The following DBT variants were observed in gnomAD, a reference collection of about 807,000 sequenced individuals.
DBT encodes the protein dihydrolipoamide branched chain transacylase E2, also known as lipoamide acyltransferase component of branched-chain alpha-keto acid dehydrogenase complex, mitochondrial.
DBT carries 40 observed loss-of-function variants against 51.3 expected under a neutral mutation model. The ratio of observed to expected loss-of-function variants is 0.78; its 90% CI spans 0.61 to 1.02. The LOEUF is 1.02. DBT is among the 50% of genes least tolerant of loss of function. The pLI is 0.00. For synonymous variants in DBT, 181 were observed against 190.4 expected (o/e 0.95, Z 0.41); for missense variants, 510 against 580.2 (o/e 0.88, Z 1.24).
At chr1:100,219,416 C>T (rs925155010) in intron 4 of DBT, among the ~76,000 whole-genome samples, 5 of 151,752 alleles carry the variant, frequency 3.3e-5, no homozygotes, top group African/African-American at 7.3e-5. Context: ...ATAAACAGCA[C>T]GGAATAAGGA....
rs982323045 is a variant in DBT at position 100,206,295 on chromosome 1, C to G, written c.1216G>C (p.Gly406Arg). 6.2e-7 allele frequency: 1 copy of G among 1,609,154 alleles called. No individual in the cohort carries two copies. The highest frequency in any genetic ancestry group is 1.4e-5 in the African/African-American group (1 of 74,000). The change falls in exon 10 of 11, where the codon GGT (glycine) becomes CGT (arginine). Residue 406 changes from glycine to arginine, a missense_variant. Physicochemically the swap from Gly to Arg is moderately radical, Grantham distance 125. Coordinates refer to ENST00000370132, the MANE Select transcript of DBT (RefSeq NM_001918.5). ...ATTATCACTGGTTTGGCAAAGGTAC[C>G]ACCAATCTATTTTTTAAAAAAAAAA... ...FTLSNIGSIGGTFAKPVIMPP... is the reference protein window; with the variant it reads ...FTLSNIGSIGRTFAKPVIMPP...
chr1:100,224,323 GAA>G (rs1326089751), intron 4 of DBT, among the ~76,000 whole-genome samples: 2 of 152,024 alleles, frequency 1.3e-5, no homozygotes, highest in Non-Finnish European at 2.9e-5. Context: ...TCTTGCTTAA[GAA>G]AAGATACATA....
intron 4 of DBT, among the ~76,000 whole-genome samples, chr1:100,229,958 T>C (rs1367954118): frequency 6.6e-6 from 1 of 152,246 alleles, no homozygotes; most frequent in Admixed American, 6.5e-5. Context: ...AATGCTGGTA[T>C]CTTTGCTTTC....
At chr1:100,234,294 T>C (rs1663723602) in intron 3 of DBT, among the ~76,000 whole-genome samples, 1 of 152,090 alleles carries the variant, frequency 6.6e-6, no homozygotes, top group Non-Finnish European at 1.5e-5. Flanking sequence ...ATACTAAGCA[T>C]ATGGGTCTAG....
chr1:100,214,982 GC>G lies in DBT; in HGVS notation c.773del (p.Gly258AlafsTer14). The G allele has an allele frequency of 6.3e-7, 1 of 1,599,094 alleles. No individual in the cohort carries two copies. The highest frequency in any genetic ancestry group is 8.6e-7 in the Non-Finnish European group (1 of 1,167,286). On this transcript the variant is annotated frameshift_variant and splice_region_variant, in exon 7 of 11. Transcript: ENST00000370132. LOFTEE classifies it high-confidence loss of function. ...TGKDKTEPIK[G>X]FQKAMVKTMS... ...TAGTCTTGACCATTGCTTTTTGAAAGCCTGAAAAGCATTAAATTGTTATTCA... is the reference window on the plus strand; with the variant it reads ...TAGTCTTGACCATTGCTTTTTGAAAGCTGAAAAGCATTAAATTGTTATTCA...
chr1:100,216,030 G>A lies in DBT; in HGVS notation c.725C>T (p.Ser242Leu), dbSNP rs201559874. The A allele has an allele frequency of 6.2e-7, 1 of 1,613,066 alleles. No homozygotes were observed. Among genetic ancestry groups the A allele is most frequent in the African/African-American group, 1.3e-5 (1 of 74,862 alleles). ...TTTGCCTGTGAATACCGGAGGTTTT[G>A]ATACTAGTATAGGAACAGTCATGTC... ...PKDMTVPILV[S>L]KPPVFTGKDK... Residue 242 changes from serine to leucine, a missense_variant, in exon 6 of 11, where the codon TCA becomes TTA. Transcript: ENST00000370132.
In DBT at chr1:100,235,520, A is replaced by T; in HGVS notation, c.176-9T>A. 1.3e-6 allele frequency: 2 copies of T among 1,511,766 alleles called. No individual in the cohort carries two copies. Among genetic ancestry groups the T allele is most frequent in the Non-Finnish European group, 9.2e-7 (1 of 1,088,352 alleles). The allele number at this position is 1,511,766 out of a possible 1,614,324, so 93.6% of individuals were successfully genotyped here. ...AACCTGTCCACGGAGAGCTTCAAAG[A>T]CAAATGAGAAATGATCTCATTAAGT... On this transcript the variant is annotated splice_polypyrimidine_tract_variant and intron_variant, in intron 2 of 10. Coordinates refer to ENST00000370132, the MANE Select transcript of DBT (RefSeq NM_001918.5).
intron 8 of DBT, among the ~76,000 whole-genome samples, chr1:100,207,907 C>A (rs910826924): frequency 2.6e-5 from 4 of 151,762 alleles, no homozygotes; most frequent in Non-Finnish European, 5.9e-5. Flanking sequence ...CCGAGGCGGG[C>A]GGATCACGAG....
At chr1:100,222,112 TTCAA>T (rs1392046629) in intron 4 of DBT, among the ~76,000 whole-genome samples, 1 of 152,210 alleles carries the variant, frequency 6.6e-6, no homozygotes, top group Non-Finnish European at 1.5e-5. Flanking sequence ...AAACAGCGAA[TTCAA>T]TCAATTTAAT....
At position 100,216,132 on chromosome 1, in the gene DBT, T is replaced by C. The variant is rs758192343; in HGVS notation, c.623A>G (p.Tyr208Cys). 4 of 1,613,876 alleles carry C rather than the reference T, an allele frequency of 2.5e-6. No homozygotes were observed. The South Asian group carries it at 3.3e-5, about 13-fold the overall frequency. Residue 208 changes from tyrosine (Y) to cysteine (C), a missense_variant, in exon 6 of 11, where the codon TAT becomes TGT. Coordinates refer to ENST00000370132, the MANE Select transcript of DBT (RefSeq NM_001918.5). Reference sequence around the variant, plus strand: ...TATAGCTCCTGTCTGCTTTTCCAAATAGTTGAGGATATCTTCTTTAAGTAT... The same window carrying C: ...TATAGCTCCTGTCTGCTTTTCCAAACAGTTGAGGATATCTTCTTTAAGTAT... ...GRILKEDILN[Y>C]LEKQTGAILP...
chr1:100,213,529 C>T lies in DBT; in HGVS notation c.939+1288G>A, dbSNP rs931730171. On this transcript the variant is annotated intron_variant, in intron 7 of 10. Transcript: ENST00000370132. Reference sequence around the variant, plus strand: ...CTATCGTGGTCGTGGGAGGCTGTCCCGTCTGCAGGGTCGGGGGGCTGCAGG... The same window carrying T: ...CTATCGTGGTCGTGGGAGGCTGTCCTGTCTGCAGGGTCGGGGGGCTGCAGG... 12 of 1,552,688 alleles carry T rather than the reference C, an allele frequency of 7.7e-6. No homozygotes were observed. The African/African-American group carries it at 1.4e-4, about 18-fold the overall frequency.
intron 5 of DBT, among the ~76,000 whole-genome samples, chr1:100,216,750 C>T (rs766097489): frequency 2.0e-5 from 3 of 152,104 alleles, no homozygotes; most frequent in Non-Finnish European, 2.9e-5. Context: ...CAGTTAAAAA[C>T]GTAACAACTT....
rs944511911 is a variant in DBT at position 100,188,924 on chromosome 1, C to T, written c.*7331G>A. Reference sequence around the variant, plus strand: ...ACAGTAATTTGCTTGTGGTTAAAAGCCTTTGTGCTCAGTACTGAGACTGCC... The same window carrying T: ...ACAGTAATTTGCTTGTGGTTAAAAGTCTTTGTGCTCAGTACTGAGACTGCC... On this transcript the variant is annotated 3_prime_UTR_variant, in exon 11 of 11. Coordinates refer to ENST00000370132, the MANE Select transcript of DBT (RefSeq NM_001918.5). 2 of 152,162 alleles carry T rather than the reference C, an allele frequency of 1.3e-5. No individual in the cohort carries two copies. Among genetic ancestry groups the T allele is most frequent in the African/African-American group, 4.8e-5 (2 of 41,448 alleles). 9.4% of individuals were successfully genotyped at this position (152,162 alleles called of 1,614,324 possible).
intron 4 of DBT, among the ~76,000 whole-genome samples, chr1:100,229,500 T>A (rs957568243): frequency 8.5e-5 from 13 of 152,190 alleles, no homozygotes; most frequent in African/African-American, 2.9e-4. Flanking sequence ...AGTTTCTTCA[T>A]CTGCTAAACT....
intron 1 of DBT, among the ~76,000 whole-genome samples, chr1:100,241,733 A>G (rs1273905546): frequency 6.6e-6 from 1 of 152,080 alleles, no homozygotes. Flanking sequence ...TTTCAATGCC[A>G]TTAGGCCAGG....
chr1:100,246,887 AC>A (rs1664570289), intron 1 of DBT, among the ~76,000 whole-genome samples: 1 of 152,224 alleles, frequency 6.6e-6, no homozygotes, highest in Non-Finnish European at 1.5e-5. Flanking sequence ...GTAAGACCTG[AC>A]GGATGAGTAG....
rs780579655 is a variant in DBT, at chr1:100,206,522, G to A, written c.1132C>T (p.Gln378Ter). The A allele has an allele frequency of 6.2e-7, 1 of 1,613,490 alleles. No homozygotes were observed. The highest frequency in any genetic ancestry group is 2.2e-5 in the East Asian group (1 of 44,884). The change falls in exon 9 of 11, where the codon CAG (glutamine) becomes TAG (stop). Residue 378 changes from glutamine to a stop codon, truncating the protein, a stop_gained. Transcript: ENST00000370132. LOFTEE classifies it high-confidence loss of function. ...FDIATELNRL[Q>*]KLGSVSQLST... ...AGCTGACTCACAGAGCCCAATTTCT[G>A]GAGGCGGTTCAGTTCAGTGGCGATG...
intron 10 of DBT, among the ~76,000 whole-genome samples, chr1:100,200,609 G>A (rs544018876): frequency 6.6e-6 from 1 of 152,326 alleles, no homozygotes; most frequent in East Asian, 1.9e-4. Context: ...GCCTCCTGAC[G>A]GGGAGACACC....
At chr1:100,217,821 T>A (rs1662585418) in intron 5 of DBT, among the ~76,000 whole-genome samples, 1 of 152,186 alleles carries the variant, frequency 6.6e-6, no homozygotes, top group Non-Finnish European at 1.5e-5. Flanking sequence ...CTGGCACATA[T>A]GTGCTCAAAT....
Sources: gnomAD v4.1 joint callset for allele counts (sites outside exome capture counted in the v4.1 genomes callset) on GRCh38, gnomAD v4.1.1 for gene constraint, MANE v1.5 for transcripts, NCBI Gene and HGNC (gene_info 2026-07-23, HGNC 2026-07-21) for gene names.